OR14J1: variants seen among roughly 807,000 people sequenced by gnomAD.
OR14J1 encodes olfactory receptor 14J1.
For synonymous variants in OR14J1, 140 were observed against 146.7 expected (o/e 0.95, Z 0.33); for missense variants, 378 against 393.4 (o/e 0.96, Z 0.33).
chr6:29,304,324 A>G (rs987268576), intron 1 of OR14J1, among the ~76,000 whole-genome samples: 2 of 152,338 alleles, frequency 1.3e-5, no homozygotes, highest in East Asian at 3.9e-4. Context: ...AGAGGTAAAA[A>G]ACGGAAAAGT....
chr6:29,306,982 A>C lies in OR14J1; in HGVS notation c.293A>C (p.Gln98Pro). The change falls in exon 2 of 2, where the codon CAG (glutamine) becomes CCG (proline). Residue 98 changes from glutamine to proline, a missense_variant. Coordinates refer to ENST00000641895, the MANE Select transcript of OR14J1 (RefSeq NM_030946.2). The part of the protein sequence containing the change: ...GYISLVQCIL[Q>P]VFFFIALASS... ...ATTTCTCTTGTTCAGTGCATTCTTC[A>C]GGTTTTCTTCTTCATAGCTCTGGCC... 1 of 1,613,052 alleles carries C rather than the reference A, an allele frequency of 6.2e-7. No homozygotes were observed. Among genetic ancestry groups the C allele is most frequent in the Non-Finnish European group, 8.5e-7 (1 of 1,180,026 alleles).
rs184215884 is a variant in OR14J1 at position 29,311,063 on chromosome 6, C to G, written c.*3408C>G. 1 of 152,284 alleles carries G rather than the reference C, an allele frequency of 6.6e-6. No individual in the cohort carries two copies. Among genetic ancestry groups the G allele is most frequent in the East Asian group, 1.9e-4 (1 of 5,186 alleles). 9.4% of individuals were successfully genotyped at this position (152,284 alleles called of 1,614,324 possible). On this transcript the variant is annotated 3_prime_UTR_variant, in exon 2 of 2. Transcript: ENST00000641895. ...GAATCATGTCATCTGCAAACAGAGACAATTTGAATTCCTCTCTTTCTATTT... is the reference window on the plus strand; with the variant it reads ...GAATCATGTCATCTGCAAACAGAGAGAATTTGAATTCCTCTCTTTCTATTT...
rs1447666079 is a variant in OR14J1 at position 29,309,310 on chromosome 6, T to C, written c.*1655T>C. ...GATGGGCATTTGGGTTGGTTTCAAGTCTTTGCTATTGTGAACAGTGCCACA... is the reference window on the plus strand; with the variant it reads ...GATGGGCATTTGGGTTGGTTTCAAGCCTTTGCTATTGTGAACAGTGCCACA... On this transcript the variant is annotated 3_prime_UTR_variant, in exon 2 of 2. Transcript: ENST00000641895. The C allele has an allele frequency of 6.6e-6, 1 of 152,222 alleles. No individual in the cohort carries two copies. The highest frequency in any genetic ancestry group is 2.1e-4 in the South Asian group (1 of 4,826). 9.4% of individuals were successfully genotyped at this position (152,222 alleles called of 1,614,324 possible). A position where few individuals can be genotyped will look rare whatever the true frequency, so the allele number is the denominator to read the frequency against.
rs1407842043 is a variant in OR14J1 at position 29,307,626 on chromosome 6, A to G, written c.937A>G (p.Met313Val). ...LSKEELPQRK[M>V]CLKAMFKL Reference sequence around the variant, plus strand: ...AAAGGAAGAGCTTCCTCAGAGAAAAATGTGCTTAAAAGCCATGTTTAAACT... The same window carrying G: ...AAAGGAAGAGCTTCCTCAGAGAAAAGTGTGCTTAAAAGCCATGTTTAAACT... Residue 313 changes from methionine (M) to valine (V), a missense_variant, in exon 2 of 2, where the codon ATG (methionine) becomes GTG (valine). Met to Val is a conservative substitution (Grantham distance 21). Coordinates refer to ENST00000641895, the MANE Select transcript of OR14J1 (RefSeq NM_030946.2). 6.2e-7 allele frequency: 1 copy of G among 1,601,518 alleles called. No individual in the cohort carries two copies. Among genetic ancestry groups the G allele is most frequent in the Non-Finnish European group, 8.5e-7 (1 of 1,178,144 alleles).
At chr6:29,302,933 G>A (rs1774811540) in intron 1 of OR14J1, among the ~76,000 whole-genome samples, 1 of 152,182 alleles carries the variant, frequency 6.6e-6, no homozygotes, top group Non-Finnish European at 1.5e-5. Context: ...TAAAATTTTG[G>A]TGTTTGATTG....
At chr6:29,303,132 C>T (rs1489217360) in intron 1 of OR14J1, among the ~76,000 whole-genome samples, 1 of 152,102 alleles carries the variant, frequency 6.6e-6, no homozygotes, top group African/African-American at 2.4e-5. Context: ...TGGTAGTGCT[C>T]GAAACAGCAG....
rs1184019661 is a variant in OR14J1 at position 29,312,559 on chromosome 6, A to G, written c.*4904A>G. ...GGCTAGCCCTCCCTGGGCTGCACCC[A>G]CTGTCTAACCAGTCCCTGTGAGATT... On this transcript the variant is annotated 3_prime_UTR_variant, in exon 2 of 2. Transcript: ENST00000641895. The G allele has an allele frequency of 6.5e-6, 1 of 152,914 alleles. No homozygotes were observed. Among genetic ancestry groups the G allele is most frequent in the African/African-American group, 2.4e-5 (1 of 41,378 alleles). 9.5% of individuals were successfully genotyped at this position (152,914 alleles called of 1,614,324 possible). A position where few individuals can be genotyped will look rare whatever the true frequency, so the allele number is the denominator to read the frequency against.
chr6:29,310,023 G>A lies in OR14J1; in HGVS notation c.*2368G>A, dbSNP rs1775397076. 6.6e-6 allele frequency: 1 copy of A among 152,158 alleles called. No homozygotes were observed. Among genetic ancestry groups the A allele is most frequent in the Non-Finnish European group, 1.5e-5 (1 of 68,034 alleles). 9.4% of individuals were successfully genotyped at this position (152,158 alleles called of 1,614,324 possible). A position where few individuals can be genotyped will look rare whatever the true frequency, so the allele number is the denominator to read the frequency against. On this transcript the variant is annotated 3_prime_UTR_variant, in exon 2 of 2. Coordinates refer to ENST00000641895, the MANE Select transcript of OR14J1 (RefSeq NM_030946.2). ...GATTCTGGATATTAGCCCTTTGTCA[G>A]ATGGATAGATTACAAAAATTTTCTC...
intron 1 of OR14J1, among the ~76,000 whole-genome samples, chr6:29,305,770 T>C (rs1214134135): frequency 6.6e-6 from 1 of 151,644 alleles, no homozygotes; most frequent in East Asian, 1.9e-4. Context: ...AGAAATGGGC[T>C]CCCACTATCT....
In OR14J1 at chr6:29,301,705, C is replaced by T. The variant is rs1667934457; in HGVS notation, c.-111C>T. 6.6e-6 allele frequency: 1 copy of T among 152,180 alleles called. No individual in the cohort carries two copies. Among genetic ancestry groups the T allele is most frequent in the Admixed American group, 6.5e-5 (1 of 15,276 alleles). The allele number at this position is 152,180 out of a possible 1,614,324, so 9.4% of individuals were successfully genotyped here. On this transcript the variant is annotated 5_prime_UTR_variant, in exon 1 of 2. Coordinates refer to ENST00000641895, the MANE Select transcript of OR14J1 (RefSeq NM_030946.2). ...TTTCCTTACATGGAAATTTCACTGA[C>T]TGAAACACCAGCTTGATTCTAGAAC... is the stretch of plus-strand genomic sequence containing the variant.
intron 1 of OR14J1, among the ~76,000 whole-genome samples, chr6:29,302,811 G>A (rs1670555349): frequency 6.6e-6 from 1 of 152,228 alleles, no homozygotes; most frequent in Non-Finnish European, 1.5e-5. Flanking sequence ...ATTGAAGTTG[G>A]ATTAGAAATA....
At chr6:29,303,599 G>T (rs1432600163) in intron 1 of OR14J1, among the ~76,000 whole-genome samples, 12 of 152,164 alleles carry the variant, frequency 7.9e-5, no homozygotes, top group Admixed American at 7.9e-4. Flanking sequence ...ATAAAGCATG[G>T]CTGTAAAGAG....
rs771253555 is a variant in OR14J1 at position 29,306,764 on chromosome 6, T to G, written c.75T>G (p.His25Gln). The change falls in exon 2 of 2, where the codon CAT becomes CAG. Residue 25 changes from histidine to glutamine, a missense_variant. Transcript: ENST00000641895. ...FSDERKLQIL[H>Q]ALVFLVTYLL... is the part of the protein sequence containing the mutation. ...ATGAGCGTAAGCTTCAGATTTTACA[T>G]GCATTGGTATTTCTGGTGACATACC... The G allele has an allele frequency of 1.2e-6, 2 of 1,613,082 alleles. No homozygotes were observed. The highest frequency in any genetic ancestry group is 1.7e-6 in the Non-Finnish European group (2 of 1,180,006).
Position 29,310,003 on chromosome 6 carries a change from T to G in OR14J1, c.*2348T>G, listed in dbSNP as rs1486331066. Reference sequence around the variant, plus strand: ...ATTTGTTTAAATTCTTTGTAGATTCTGGATATTAGCCCTTTGTCAGATGGA... The same window carrying G: ...ATTTGTTTAAATTCTTTGTAGATTCGGGATATTAGCCCTTTGTCAGATGGA... On this transcript the variant is annotated 3_prime_UTR_variant, in exon 2 of 2. Transcript: ENST00000641895. 6.6e-6 allele frequency: 1 copy of G among 152,260 alleles called. No homozygotes were observed. The highest frequency in any genetic ancestry group is 1.5e-5 in the Non-Finnish European group (1 of 68,048). The allele number at this position is 152,260 out of a possible 1,614,324, so 9.4% of individuals were successfully genotyped here. A position where few individuals can be genotyped will look rare whatever the true frequency, so the allele number is the denominator to read the frequency against.
chr6:29,303,718 CT>C (rs566295268), intron 1 of OR14J1, among the ~76,000 whole-genome samples: 1 of 127,846 alleles, frequency 7.8e-6, no homozygotes, highest in African/African-American at 3.0e-5. Context: ...ATCTATCTAT[CT>C]ATCTATCTAT....
chr6:29,307,182 C>A lies in OR14J1; in HGVS notation c.493C>A (p.Pro165Thr), dbSNP rs765016831. 3.1e-6 allele frequency: 5 copies of A among 1,612,980 alleles called. No individual in the cohort carries two copies. In the African/African-American group the frequency reaches 6.7e-5, roughly 21 times the overall value. Residue 165 changes from proline (P) to threonine (T), a missense_variant, in exon 2 of 2, where the codon CCT (proline) becomes ACT (threonine). Physicochemically the swap from Pro to Thr is conservative, Grantham distance 38. Coordinates refer to ENST00000641895, the MANE Select transcript of OR14J1 (RefSeq NM_030946.2). ...GCATGCTGCCATTAACTTCTCCATA[C>A]CTCTCTGTGGGAAGAGAGTCATTCA... ...LMHAAINFSI[P>T]LCGKRVIHQF...
Position 29,307,800 on chromosome 6 carries a change from C to A in OR14J1, c.*145C>A. ...TCTTTAAAATTTAAGATGTTGTGCTCTAATAATATTAGCTTTCCTTCCTCC... is the reference window on the plus strand; with the variant it reads ...TCTTTAAAATTTAAGATGTTGTGCTATAATAATATTAGCTTTCCTTCCTCC... On this transcript the variant is annotated 3_prime_UTR_variant, in exon 2 of 2. Coordinates refer to ENST00000641895, the MANE Select transcript of OR14J1 (RefSeq NM_030946.2). 1 of 534,794 alleles carries A rather than the reference C, an allele frequency of 1.9e-6. No homozygotes were observed. The highest frequency in any genetic ancestry group is 3.2e-6 in the Non-Finnish European group (1 of 310,770). The allele number at this position is 534,794 out of a possible 1,614,324, so 33.1% of individuals were successfully genotyped here. A position where few individuals can be genotyped will look rare whatever the true frequency, so the allele number is the denominator to read the frequency against.
In OR14J1 at chr6:29,307,617, C is replaced by T. The variant is rs1775208534; in HGVS notation, c.928C>T (p.Gln310Ter). Residue 310 changes from glutamine (Q) to a stop codon, truncating the protein, a stop_gained, in exon 2 of 2, where the codon CAG becomes TAG. Transcript: ENST00000641895. LOFTEE classifies it high-confidence loss of function. The stretch of plus-strand genomic sequence containing the variant: ...GATGCTGTCAAAGGAAGAGCTTCCT[C>T]AGAGAAAAATGTGCTTAAAAGCCAT... ...RKMLSKEELP[Q>*]RKMCLKAMFK... is the part of the protein sequence containing the mutation. 1 of 1,604,798 alleles carries T rather than the reference C, an allele frequency of 6.2e-7. No individual in the cohort carries two copies. The highest frequency in any genetic ancestry group is 2.2e-5 in the East Asian group (1 of 44,880).
At position 29,302,179 on chromosome 6, in the gene OR14J1, C is replaced by CTT. The variant is rs1157949122; in HGVS notation, c.-29+409_-29+410dup. ...GGGAGATTTTTTTTCTTTTTTTTTTCTTTTTTTTTTTTTTTTTTGAGACGA... is the reference window on the plus strand; with the variant it reads ...GGGAGATTTTTTTTCTTTTTTTTTTCTTTTTTTTTTTTTTTTTTTTGAGACGA... On this transcript the variant is annotated intron_variant, in intron 1 of 1. Coordinates refer to ENST00000641895, the MANE Select transcript of OR14J1 (RefSeq NM_030946.2). Among the ~76,000 whole-genome samples the CTT allele has an allele frequency of 2.4e-3, 241 of 102,040 alleles. 3 individuals carry two copies. The highest frequency in any genetic ancestry group is 5.1e-3 in the South Asian group (16 of 3,140). The allele number at this position is 102,040 out of a possible 152,430, so 66.9% of individuals were successfully genotyped here.
Sources: gnomAD v4.1 joint callset for allele counts (sites outside exome capture counted in the v4.1 genomes callset) on GRCh38, gnomAD v4.1.1 for gene constraint, MANE v1.5 for transcripts, NCBI Gene and HGNC (gene_info 2026-07-23, HGNC 2026-07-21) for gene names.